The following DNAL1 variants were observed in gnomAD, a reference collection of about 807,000 sequenced individuals.
DNAL1 encodes chromosome 14 open reading frame 168.
A neutral mutation model predicts 29.4 loss-of-function variants in DNAL1; 17 were observed. That is an observed-to-expected ratio of 0.58 (90% CI 0.40 to 0.87). DNAL1 has a LOEUF of 0.87. Among genes scored for constraint, DNAL1 ranks in the 40% least tolerant of loss-of-function variants. The probability of loss-of-function intolerance (pLI) is 0.00; values close to 1 mark genes in which losing one functional copy is unlikely to be tolerated. For synonymous variants in DNAL1, 78 were observed against 76.3 expected (o/e 1.02, Z -0.12); for missense variants, 188 against 214.1 (o/e 0.88, Z 0.76).
At chr14:73,694,372 G>A (rs1031470488) in intron 7 of DNAL1, among the ~76,000 whole-genome samples, 1 of 152,186 alleles carries the variant, frequency 6.6e-6, no homozygotes, top group Non-Finnish European at 1.5e-5. Flanking sequence ...AAGTGTGCAA[G>A]ATGAGTTTGG....
rs1892442056 is a variant in DNAL1, at chr14:73,701,786, AC to A, written c.*5845del. The A allele has an allele frequency of 6.6e-6, 1 of 152,164 alleles. No individual in the cohort carries two copies. The highest frequency in any genetic ancestry group is 2.4e-5 in the African/African-American group (1 of 41,442). The allele number at this position is 152,164 out of a possible 1,614,324, so 9.4% of individuals were successfully genotyped here. ...CAACTCCATTCTGAAGAACATTTTA[AC>A]ATCTATGAATACCTTGGTAATAATC... is the stretch of plus-strand genomic sequence containing the variant. On this transcript the variant is annotated 3_prime_UTR_variant, in exon 8 of 8. Transcript: ENST00000553645.
At chr14:73,690,684 C>T (rs1174511040) in intron 7 of DNAL1, among the ~76,000 whole-genome samples, 2 of 151,710 alleles carry the variant, frequency 1.3e-5, no homozygotes, top group Non-Finnish European at 2.9e-5. Context: ...ATCCTGACTT[C>T]CAGACAACAT....
In DNAL1 at chr14:73,648,539, G is replaced by A. The variant is rs183559134; in HGVS notation, c.3+3497G>A. Among the ~76,000 whole-genome samples the A allele has an allele frequency of 1.4e-3, 205 of 150,134 alleles. 1 individual carries two copies. Among genetic ancestry groups the A allele is most frequent in the South Asian group, 2.5e-3 (12 of 4,736 alleles). ...GGGATCCTCCCACCTCAGCCCCTGC[G>A]AGTAGTTGGGACTACAGGCCTGCAC... On this transcript the variant is annotated intron_variant, in intron 1 of 7. Coordinates refer to ENST00000553645, the MANE Select transcript of DNAL1 (RefSeq NM_031427.4).
intron 5 of DNAL1, among the ~76,000 whole-genome samples, chr14:73,679,352 C>G (rs1187715389): frequency 6.6e-6 from 1 of 151,962 alleles, no homozygotes; most frequent in Non-Finnish European, 1.5e-5. Flanking sequence ...TTTTAATACT[C>G]TTTCTGTTAA....
At chr14:73,659,507 A>T (rs986833546) in intron 3 of DNAL1, 1 of 152,100 alleles carries the variant, frequency 6.6e-6, no homozygotes, top group Admixed American at 6.6e-5. Context: ...GAGTTTGAAA[A>T]TATACATCTC....
rs1431221725 is a variant in DNAL1 at position 73,695,973 on chromosome 14, T to A, written c.*31T>A. The A allele has an allele frequency of 6.4e-7, 1 of 1,553,826 alleles. No individual in the cohort carries two copies. The highest frequency in any genetic ancestry group is 2.3e-5 in the East Asian group (1 of 42,580). On this transcript the variant is annotated 3_prime_UTR_variant, in exon 8 of 8. Coordinates refer to ENST00000553645, the MANE Select transcript of DNAL1 (RefSeq NM_031427.4). ...CGCTTTCCACTGTGTGTTAACTTATTTAAATGTCATAAGAACAATAGATAA... is the reference window on the plus strand; with the variant it reads ...CGCTTTCCACTGTGTGTTAACTTATATAAATGTCATAAGAACAATAGATAA...
At chr14:73,673,451 T>C (rs1415724169) in intron 5 of DNAL1, among the ~76,000 whole-genome samples, 1 of 152,224 alleles carries the variant, frequency 6.6e-6, no homozygotes, top group African/African-American at 2.4e-5. Context: ...ATGTATTGTG[T>C]ATTAAGATGC....
chr14:73,682,369 A>G (rs12586746), intron 5 of DNAL1, among the ~76,000 whole-genome samples: 24,676 of 71,310 alleles, frequency 0.35, 2,747 homozygotes, highest in African/African-American at 0.43. Flanking sequence ...TTGTATTTTT[A>G]GTACAGATAG....
At chr14:73,681,870 T>C (rs1020936668) in intron 5 of DNAL1, among the ~76,000 whole-genome samples, 3 of 151,676 alleles carry the variant, frequency 2.0e-5, no homozygotes, top group Non-Finnish European at 4.4e-5. Flanking sequence ...CCCAGCACTT[T>C]GGGAGACTGA....
At chr14:73,647,098 C>T (rs552225254) in intron 1 of DNAL1, among the ~76,000 whole-genome samples, 1 of 152,188 alleles carries the variant, frequency 6.6e-6, no homozygotes, top group South Asian at 2.1e-4. Flanking sequence ...GTGGCTCACA[C>T]CTTTAATTCC....
intron 1 of DNAL1, among the ~76,000 whole-genome samples, chr14:73,654,303 T>C (rs1891163784): frequency 6.6e-6 from 1 of 152,252 alleles, no homozygotes. Context: ...TGTTACATAA[T>C]GATTTCCTTA....
chr14:73,679,564 G>A (rs1891826692), intron 5 of DNAL1, among the ~76,000 whole-genome samples: 1 of 152,166 alleles, frequency 6.6e-6, no homozygotes, highest in Admixed American at 6.6e-5. Flanking sequence ...AGAAGCAGAA[G>A]ACTTAAGTCA....
In DNAL1 at chr14:73,696,521, A is replaced by G. The variant is rs1243418685; in HGVS notation, c.*579A>G. On this transcript the variant is annotated 3_prime_UTR_variant, in exon 8 of 8. Transcript: ENST00000553645. ...TAGTATCTCAGAGACCTTCTAGTCT[A>G]TATTATACTTATTTGTTTTTCCAAA... 1.3e-5 allele frequency: 2 copies of G among 152,368 alleles called. No individual in the cohort carries two copies. The highest frequency in any genetic ancestry group is 1.9e-4 in the East Asian group (1 of 5,198). 9.4% of individuals were successfully genotyped at this position (152,368 alleles called of 1,614,324 possible). A position where few individuals can be genotyped will look rare whatever the true frequency, so the allele number is the denominator to read the frequency against.
intron 4 of DNAL1, among the ~76,000 whole-genome samples, chr14:73,668,150 G>A (rs1891532507): frequency 6.6e-6 from 1 of 152,086 alleles, no homozygotes; most frequent in Non-Finnish European, 1.5e-5. Flanking sequence ...AAAATCAACT[G>A]TTCCCAACCT....
rs1892109183 is a variant in DNAL1 at position 73,689,360 on chromosome 14, T to A, written c.392-15T>A. 6.4e-7 allele frequency: 1 copy of A among 1,551,326 alleles called. No homozygotes were observed. Among genetic ancestry groups the A allele is most frequent in the Non-Finnish European group, 8.7e-7 (1 of 1,146,782 alleles). On this transcript the variant is annotated splice_polypyrimidine_tract_variant and intron_variant, in intron 6 of 7. Coordinates refer to ENST00000553645, the MANE Select transcript of DNAL1 (RefSeq NM_031427.4). Reference sequence around the variant, plus strand: ...ACTTAGTGTTTTAATATGGAAAATATTCTTTTACTTGTAGCTGAGTTTGTG... The same window carrying A: ...ACTTAGTGTTTTAATATGGAAAATAATCTTTTACTTGTAGCTGAGTTTGTG...
intron 5 of DNAL1, among the ~76,000 whole-genome samples, chr14:73,677,703 C>A (rs1352714338): frequency 6.7e-6 from 1 of 150,164 alleles, no homozygotes; most frequent in Non-Finnish European, 1.5e-5. Flanking sequence ...ACTACAGGCG[C>A]CCGCCACCAC....
intron 1 of DNAL1, among the ~76,000 whole-genome samples, chr14:73,648,616 T>C (rs1891038958): frequency 6.7e-6 from 1 of 149,800 alleles, no homozygotes; most frequent in Admixed American, 6.7e-5. Flanking sequence ...GGGTTCTCCA[T>C]GTTGCCCAAG....
intron 6 of DNAL1, among the ~76,000 whole-genome samples, chr14:73,688,653 G>A (rs7150772): frequency 0.31 from 47,265 of 151,892 alleles, 7,834 homozygotes; most frequent in African/African-American, 0.37. Context: ...TGTGTGATAA[G>A]TTCTGCAATA....
rs367843891 is a variant in DNAL1 at position 73,672,464 on chromosome 14, T to C, written c.264+867T>C. ...ATTAAAAAAATACAAAAAAACTAGC[T>C]GGGTGTGGTGGCGGGCGCCTGTAGT... On this transcript the variant is annotated intron_variant, in intron 5 of 7. Coordinates refer to ENST00000553645, the MANE Select transcript of DNAL1 (RefSeq NM_031427.4). 4.4e-4 allele frequency among the ~76,000 whole-genome samples: 67 copies of C among 151,430 alleles called. No individual in the cohort carries two copies. The East Asian group carries it at 9.5e-3, about 21-fold the overall frequency.
Sources: allele counts gnomAD v4.1 joint callset (sites outside exome capture counted in the v4.1 genomes callset), GRCh38; gene constraint gnomAD v4.1.1; transcripts MANE v1.5; gene names NCBI Gene and HGNC (gene_info 2026-07-23, HGNC 2026-07-21).